Variants in CADM1 observed in about 807,000 individuals in gnomAD.
The protein encoded by CADM1 is cell adhesion molecule 1, also known as TSLC-1.
Under a neutral mutation model 53.1 loss-of-function variants are expected in CADM1, and 15 were observed. The ratio of observed to expected loss-of-function variants is 0.28; its 90% CI spans 0.19 to 0.44. The LOEUF (loss-of-function observed/expected upper bound fraction) is 0.44, where lower values mean the gene tolerates loss of function less well. Among genes scored for constraint, CADM1 ranks in the 20% least tolerant of loss-of-function variants. CADM1 has a pLI of 1.00. For synonymous variants in CADM1, 281 were observed against 243.0 expected (o/e 1.16, Z -1.45); for missense variants, 434 against 611.3 (o/e 0.71, Z 3.06).
chr11:115,275,288 C>G (rs796482395), intron 1 of CADM1, among the ~76,000 whole-genome samples: 1 of 152,206 alleles, frequency 6.6e-6, no homozygotes, highest in Non-Finnish European at 1.5e-5. Context: ...AATTCCAACT[C>G]ATTTTTCAGA....
chr11:115,469,342 TACA>T (rs1948960240), intron 1 of CADM1, among the ~76,000 whole-genome samples: 1 of 152,230 alleles, frequency 6.6e-6, no homozygotes, highest in Non-Finnish European at 1.5e-5. Flanking sequence ...CTCATTTTAA[TACA>T]ACAACTCTAT....
chr11:115,239,287 C>T (rs1045356284), intron 2 of CADM1, among the ~76,000 whole-genome samples: 2 of 152,100 alleles, frequency 1.3e-5, no homozygotes, highest in African/African-American at 4.8e-5. Context: ...ACATATTTGA[C>T]GTGATTTGAG....
intron 11 of CADM1, among the ~76,000 whole-genome samples, chr11:115,177,397 G>A (rs547947241): frequency 6.6e-6 from 1 of 152,194 alleles, no homozygotes; most frequent in Non-Finnish European, 1.5e-5. Flanking sequence ...CTGCACCTCA[G>A]TATGCTATAT....
At chr11:115,243,468 C>A (rs976145595) in intron 1 of CADM1, among the ~76,000 whole-genome samples, 1 of 151,964 alleles carries the variant, frequency 6.6e-6, no homozygotes, top group African/African-American at 2.4e-5. Context: ...GTCAGCTGGA[C>A]GGCAGTTATG....
intron 1 of CADM1, among the ~76,000 whole-genome samples, chr11:115,421,964 C>A (rs1057435682): frequency 1.3e-5 from 2 of 152,114 alleles, no homozygotes; most frequent in Non-Finnish European, 2.9e-5. Flanking sequence ...AGGCTTATGC[C>A]CTAAGGGTAT....
chr11:115,274,297 G>A (rs193147184), intron 1 of CADM1, among the ~76,000 whole-genome samples: 1 of 152,364 alleles, frequency 6.6e-6, no homozygotes, highest in Non-Finnish European at 1.5e-5. Context: ...ATCACGGAAT[G>A]GCACAGGTGC....
chr11:115,315,748 T>C (rs908525193), intron 1 of CADM1, among the ~76,000 whole-genome samples: 1 of 151,450 alleles, frequency 6.6e-6, no homozygotes, highest in Non-Finnish European at 1.5e-5. Flanking sequence ...CTAAATACTA[T>C]AGCGTGTCAC....
chr11:115,395,105 G>C (rs999161928), intron 1 of CADM1, among the ~76,000 whole-genome samples: 1 of 152,248 alleles, frequency 6.6e-6, no homozygotes, highest in East Asian at 1.9e-4. Flanking sequence ...AAGCAAACTT[G>C]TCTGTATATT....
At chr11:115,400,788 A>T (rs562561441) in intron 1 of CADM1, among the ~76,000 whole-genome samples, 121 of 149,692 alleles carry the variant, frequency 8.1e-4, no homozygotes, top group South Asian at 2.1e-3. Flanking sequence ...ATTAAACAAC[A>T]ATGATGTATC....
At chr11:115,308,826 CCCTTTCCTT>C (rs1373028220) in intron 1 of CADM1, among the ~76,000 whole-genome samples, 2 of 143,938 alleles carry the variant, frequency 1.4e-5, no homozygotes, top group East Asian at 4.5e-4. Context: ...TTCCATCCCT[CCCTTTCCTT>C]CCTTATTTTA....
chr11:115,479,009 C>T (rs1417783017), intron 1 of CADM1, among the ~76,000 whole-genome samples: 5 of 152,076 alleles, frequency 3.3e-5, no homozygotes, highest in Non-Finnish European at 5.9e-5. Flanking sequence ...TATTTGTGCA[C>T]TTGTAAAACT....
intron 1 of CADM1, among the ~76,000 whole-genome samples, chr11:115,249,467 A>G (rs758807074): frequency 2.6e-5 from 4 of 152,272 alleles, no homozygotes; most frequent in Non-Finnish European, 5.9e-5. Context: ...AGTTAGTTGA[A>G]GTCTGGGATA....
At chr11:115,443,256 G>T (rs1192313349) in intron 1 of CADM1, among the ~76,000 whole-genome samples, 1 of 152,170 alleles carries the variant, frequency 6.6e-6, no homozygotes, top group African/African-American at 2.4e-5. Flanking sequence ...CCATTAACCA[G>T]CTTCTCCAAA....
chr11:115,249,121 C>T (rs1318849517), intron 1 of CADM1, among the ~76,000 whole-genome samples: 1 of 152,144 alleles, frequency 6.6e-6, no homozygotes, highest in Non-Finnish European at 1.5e-5. Flanking sequence ...GATTGAGCTG[C>T]TTTAGTAGCA....
intron 1 of CADM1, among the ~76,000 whole-genome samples, chr11:115,376,626 G>A (rs149435968): frequency 6.6e-6 from 1 of 152,138 alleles, no homozygotes; most frequent in African/African-American, 2.4e-5. Context: ...ACATATCAAA[G>A]CAGGTTTAGA....
At chr11:115,226,285 C>A (rs1326199216) in intron 5 of CADM1, among the ~76,000 whole-genome samples, 1 of 152,120 alleles carries the variant, frequency 6.6e-6, no homozygotes, top group Non-Finnish European at 1.5e-5. Context: ...GGTAAAAATA[C>A]AGATGATGCA....
At chr11:115,291,187 A>G (rs968303082) in intron 1 of CADM1, among the ~76,000 whole-genome samples, 4 of 152,148 alleles carry the variant, frequency 2.6e-5, no homozygotes, top group African/African-American at 9.7e-5. Flanking sequence ...TCTTAACTGG[A>G]GGATGTGTGT....
intron 1 of CADM1, among the ~76,000 whole-genome samples, chr11:115,291,373 C>A (rs1292951895): frequency 6.6e-6 from 1 of 152,078 alleles, no homozygotes. Context: ...GAAAGATAGT[C>A]TTTTTATATG....
At chr11:115,312,534 T>C (rs897817479) in intron 1 of CADM1, among the ~76,000 whole-genome samples, 1 of 152,186 alleles carries the variant, frequency 6.6e-6, no homozygotes, top group African/African-American at 2.4e-5. Flanking sequence ...TTCTACTTCA[T>C]GCCGTATCAA....
Sources: gnomAD v4.1 joint callset for allele counts (sites outside exome capture counted in the v4.1 genomes callset) on GRCh38, gnomAD v4.1.1 for gene constraint, MANE v1.5 for transcripts, NCBI Gene and HGNC (gene_info 2026-07-23, HGNC 2026-07-21) for gene names.